The following ERI3 variants were observed in gnomAD, a reference collection of about 807,000 sequenced individuals.
ERI3 encodes the protein ERI1 exoribonuclease 3.
Under a neutral mutation model 44.4 loss-of-function variants are expected in ERI3, and 18 were observed. The observed-to-expected ratio is 0.41, with a 90% CI of 0.28 to 0.60. The LOEUF (loss-of-function observed/expected upper bound fraction) is 0.60. Ranked by LOEUF, ERI3 falls within the 20% of genes least tolerant of loss-of-function variation. The pLI is 0.36. For missense variants in ERI3, 294 were observed against 435.5 expected, an observed-to-expected ratio of 0.68 and a Z score of 2.89; for synonymous variants, 183 against 164.8, an observed-to-expected ratio of 1.11 and a Z score of -0.84.
rs1643893661 is a variant in ERI3 at position 44,221,270 on chromosome 1, G to C, written c.*288C>G. The C allele has an allele frequency of 2.2e-6, 1 of 449,856 alleles. No homozygotes were observed. The highest frequency in any genetic ancestry group is 4.0e-6 in the Non-Finnish European group (1 of 247,458). 27.9% of individuals were successfully genotyped at this position (449,856 alleles called of 1,614,324 possible). On this transcript the variant is annotated 3_prime_UTR_variant, in exon 9 of 9. Transcript: ENST00000372257. This position sits in a 1 kb window ranked among gnomAD's most constrained non-coding sequence, Gnocchi z 5.9. ...AAGCCTGTGTACCAGGGAGGAGGCG[G>C]TGAGTGCCTGGGTCCCCCTAGCCCA...
intron 2 of ERI3, among the ~76,000 whole-genome samples, chr1:44,351,683 G>A (rs1282884301): frequency 6.6e-6 from 1 of 152,142 alleles, no homozygotes; most frequent in African/African-American, 2.4e-5. Context: ...GAGTTTATAA[G>A]GCTAAGGCTC....
intron 8 of ERI3, 34 bp downstream of exon 8, chr1:44,247,905 T>G (rs746551915): frequency 1.8e-5 from 29 of 1,568,046 alleles, no homozygotes; most frequent in African/African-American, 2.7e-5. Context: ...GGACGATGGA[T>G]GGAGCTGCCG....
intron 7 of ERI3, among the ~76,000 whole-genome samples, chr1:44,278,021 T>G (rs1645212803): frequency 6.6e-6 from 1 of 152,214 alleles, no homozygotes; most frequent in Non-Finnish European, 1.5e-5. Context: ...GACAAAATTA[T>G]TTTAATAATA....
At chr1:44,268,927 TC>T (rs1258414366) in intron 7 of ERI3, among the ~76,000 whole-genome samples, 2 of 152,178 alleles carry the variant, frequency 1.3e-5, no homozygotes, top group African/African-American at 4.8e-5. Context: ...GCATTTGGCT[TC>T]AGTCCAAGCC....
rs779624686 is a variant in ERI3 at position 44,339,155 on chromosome 1, C to T, written c.379G>A (p.Gly127Ser). The T allele has an allele frequency of 3.3e-5, 53 of 1,613,902 alleles. No individual in the cohort carries two copies. In the East Asian group the frequency reaches 9.4e-4, roughly 28 times the overall value. The change falls in exon 3 of 9, where the codon GGC becomes AGC. Residue 127 changes from glycine (G) to serine (S), a missense_variant. Gly to Ser is a moderately conservative substitution (Grantham distance 56, BLOSUM62 0). This residue lies in a region of ERI3 where 187 missense variants were observed against 338.6 expected (regional missense o/e 0.55). Transcript: ENST00000372257. The stretch of plus-strand genomic sequence containing the variant: ...ATTGCCGCCATGGATGCGCCAAAGC[C>T]GTGGGCCGCCAGCTTTCTGGTGGAT... The part of the protein sequence containing the change: ...SISTRKLAAH[G>S]FGASMAAMVS...
chr1:44,265,820 T>C (rs1488492020), intron 7 of ERI3, among the ~76,000 whole-genome samples: 3 of 152,096 alleles, frequency 2.0e-5, no homozygotes, highest in African/African-American at 4.8e-5. Flanking sequence ...ATTGCCAGAA[T>C]AGGCAAATTT....
chr1:44,354,648 G>A (rs927714815), intron 1 of ERI3: 47 of 985,206 alleles, frequency 4.8e-5, no homozygotes, highest in Non-Finnish European at 5.3e-5. Context: ...AGCCTCTCTA[G>A]TCAAACCTTT....
intron 8 of ERI3, among the ~76,000 whole-genome samples, chr1:44,240,491 G>C (rs1046821246): frequency 1.3e-5 from 2 of 152,196 alleles, no homozygotes; most frequent in Non-Finnish European, 2.9e-5. Flanking sequence ...TGGTGGTGAA[G>C]AACTCCAACC....
At chr1:44,298,948 A>G (rs1039095951) in intron 6 of ERI3, among the ~76,000 whole-genome samples, 1 of 152,162 alleles carries the variant, frequency 6.6e-6, no homozygotes, top group Admixed American at 6.5e-5. Context: ...CATTTATACG[A>G]AAGCCAACAA....
chr1:44,344,282 TG>T (rs2154331828), intron 2 of ERI3, among the ~76,000 whole-genome samples: 2 of 144,226 alleles, frequency 1.4e-5, no homozygotes, highest in East Asian at 3.9e-4. Context: ...TAAATAAAAT[TG>T]TTTTTTAAAA....
In ERI3 at chr1:44,331,463, G is replaced by C. The variant is rs377037127; in HGVS notation, c.489+7582C>G. ...CCTTAGCCTTCTTGACAATACCTCA[G>C]AGCCTTAGCTTACACCATATCCACT... On this transcript the variant is annotated intron_variant, in intron 3 of 8. Coordinates refer to ENST00000372257, the MANE Select transcript of ERI3 (RefSeq NM_024066.3). 2.4e-4 allele frequency among the ~76,000 whole-genome samples: 36 copies of C among 152,176 alleles called. No homozygotes were observed. The South Asian group carries it at 7.5e-3, about 32-fold the overall frequency.
At chr1:44,288,955 G>C (rs1028406880) in intron 6 of ERI3, among the ~76,000 whole-genome samples, 2 of 152,120 alleles carry the variant, frequency 1.3e-5, no homozygotes, top group Non-Finnish European at 2.9e-5. Context: ...ACTAGCCTGC[G>C]GGCACAAACG....
chr1:44,313,452 C>T (rs1444815439), intron 4 of ERI3, among the ~76,000 whole-genome samples: 1 of 152,200 alleles, frequency 6.6e-6, no homozygotes, highest in Non-Finnish European at 1.5e-5. Context: ...TGGGTGTACA[C>T]ATACACATGC....
chr1:44,263,068 G>C (rs1453539148), intron 7 of ERI3, among the ~76,000 whole-genome samples: 1 of 152,170 alleles, frequency 6.6e-6, no homozygotes, highest in African/African-American at 2.4e-5. Context: ...AAGGGGAAAG[G>C]GATGTTGAAA....
intron 3 of ERI3, among the ~76,000 whole-genome samples, chr1:44,325,817 T>G (rs1385679893): frequency 3.3e-5 from 5 of 151,982 alleles, no homozygotes; most frequent in African/African-American, 1.2e-4. Flanking sequence ...CCCAGCTAAT[T>G]TTTGTGTTTT....
intron 8 of ERI3, among the ~76,000 whole-genome samples, chr1:44,247,472 G>A (rs1464174478): frequency 6.6e-6 from 1 of 152,146 alleles, no homozygotes; most frequent in African/African-American, 2.4e-5. Flanking sequence ...CGGAGTCATC[G>A]GTCAGAAGGA....
At chr1:44,233,373 T>A (rs1644230336) in intron 8 of ERI3, among the ~76,000 whole-genome samples, 1 of 149,652 alleles carries the variant, frequency 6.7e-6, no homozygotes, top group African/African-American at 2.4e-5. Flanking sequence ...TCTCCTCCTG[T>A]CACAAGAGAG....
intron 6 of ERI3, among the ~76,000 whole-genome samples, chr1:44,285,327 AC>A (rs1177459076): frequency 6.6e-6 from 1 of 152,190 alleles, no homozygotes; most frequent in East Asian, 1.9e-4. Context: ...CAAGAACTGA[AC>A]CCAGTTCTGT....
chr1:44,293,846 TC>T (rs1645557489), intron 6 of ERI3, among the ~76,000 whole-genome samples: 1 of 151,930 alleles, frequency 6.6e-6, no homozygotes, highest in African/African-American at 2.4e-5. Context: ...CCCCTCCACT[TC>T]CCCCTACTGG....
Sources: allele counts gnomAD v4.1 joint callset (sites outside exome capture counted in the v4.1 genomes callset), GRCh38; gene constraint gnomAD v4.1.1; regional missense constraint gnomAD v4.1.1; non-coding constraint Gnocchi (gnomAD v3.1); transcripts MANE v1.5; gene names NCBI Gene and HGNC (gene_info 2026-07-23, HGNC 2026-07-21).